The following WT1 variants were observed in gnomAD, a reference collection of about 807,000 sequenced individuals.
The protein encoded by WT1 is Wilms tumor protein.
In WT1, 8 loss-of-function variants were observed where a neutral mutation model predicts 60.8. The observed-to-expected ratio is 0.13, with a 90% CI of 0.08 to 0.24. The LOEUF (loss-of-function observed/expected upper bound fraction) is 0.24. WT1 is among the 10% of genes least tolerant of loss of function. WT1 has a pLI of 1.00. For missense variants in WT1, 568 were observed against 711.8 expected, an observed-to-expected ratio of 0.80 and a Z score of 2.30; for synonymous variants, 312 against 297.1, an observed-to-expected ratio of 1.05 and a Z score of -0.52.
intron 5 of WT1, among the ~76,000 whole-genome samples, chr11:32,415,346 C>T (rs1852631938): frequency 2.7e-5 from 4 of 145,848 alleles, no homozygotes; most frequent in South Asian, 4.1e-4. Context: ...GAACTTAAGA[C>T]GAGTTAAGAA....
At position 32,427,936 on chromosome 11, in the gene WT1, A is replaced by G. The variant is rs751725628; in HGVS notation, c.887+20T>C. 1.9e-6 allele frequency: 3 copies of G among 1,598,648 alleles called. No individual in the cohort carries two copies. Among genetic ancestry groups the G allele is most frequent in the Non-Finnish European group, 2.6e-6 (3 of 1,172,598 alleles). ...TCCGGGGTCCCAAGGACCCAGACGC[A>G]GAGCCCAGCGCCTTCCTACCTGCTG... On this transcript the variant is annotated intron_variant, in intron 3 of 9. Transcript: ENST00000452863.
chr11:32,422,811 C>A (rs74889578), intron 3 of WT1, among the ~76,000 whole-genome samples: 1 of 152,148 alleles, frequency 6.6e-6, no homozygotes, highest in Non-Finnish European at 1.5e-5. Flanking sequence ...GGCAAAAGTA[C>A]AGCAAAAGGA....
At chr11:32,427,373 C>T (rs919064749) in intron 3 of WT1, among the ~76,000 whole-genome samples, 1 of 152,230 alleles carries the variant, frequency 6.6e-6, no homozygotes, top group African/African-American at 2.4e-5. Flanking sequence ...AGGTCCCACG[C>T]GGGCCAGAGC....
intron 5 of WT1, 159 bp from the exon 6 acceptor site, chr11:32,400,203 CT>C (rs1184846338): frequency 7.1e-6 from 6 of 844,966 alleles, no homozygotes; most frequent in Non-Finnish European, 1.2e-5. Flanking sequence ...ATGCAGGGTT[CT>C]GCGGAGGGCG....
At position 32,388,302 on chromosome 11, in the gene WT1, C is replaced by T. The variant is rs1227002852; in HGVS notation, c.*756G>A. On this transcript the variant is annotated 3_prime_UTR_variant, in exon 10 of 10. Coordinates refer to ENST00000452863, the MANE Select transcript of WT1 (RefSeq NM_024426.6). ...GGAGGTATGTACATCTATAAAGACA[C>T]ATATGATTACCACTCAAAAGAGTCA... 1 of 233,592 alleles carries T rather than the reference C, an allele frequency of 4.3e-6. No homozygotes were observed. The highest frequency in any genetic ancestry group is 8.5e-6 in the Non-Finnish European group (1 of 118,156). 14.5% of individuals were successfully genotyped at this position (233,592 alleles called of 1,614,324 possible). A position where few individuals can be genotyped will look rare whatever the true frequency, so the allele number is the denominator to read the frequency against.
chr11:32,390,485 A>C (rs556981495), intron 9 of WT1, among the ~76,000 whole-genome samples: 5 of 152,198 alleles, frequency 3.3e-5, no homozygotes, highest in Non-Finnish European at 7.3e-5. Flanking sequence ...GGGAAGCAAG[A>C]TCCCATCCTG....
At chr11:32,392,606 T>C in intron 8 of WT1, 60 bp downstream of exon 8, 7 of 1,523,816 alleles carry the variant, frequency 4.6e-6, no homozygotes, top group Non-Finnish European at 4.5e-6. Flanking sequence ...AAGAGAATCA[T>C]GAAATCAACC....
At chr11:32,416,179 G>C (rs1467885819) in intron 5 of WT1, among the ~76,000 whole-genome samples, 1 of 152,172 alleles carries the variant, frequency 6.6e-6, no homozygotes, top group Non-Finnish European at 1.5e-5. Context: ...GGAACATGTG[G>C]CATTATGGTT....
chr11:32,430,492 C>CG, intron 1 of WT1: 2 of 1,234,334 alleles, frequency 1.6e-6, no homozygotes, highest in Non-Finnish European at 2.1e-6. Context: ...GAGAGAGAGA[C>CG]GAAATAGAAG....
At chr11:32,430,181 G>C (rs1853231129) in intron 1 of WT1, among the ~76,000 whole-genome samples, 1 of 151,890 alleles carries the variant, frequency 6.6e-6, no homozygotes, top group Non-Finnish European at 1.5e-5. Context: ...TTTATCATAT[G>C]ACCTCGAGGG....
At chr11:32,408,617 G>C (rs1423204441) in intron 5 of WT1, among the ~76,000 whole-genome samples, 2 of 150,134 alleles carry the variant, frequency 1.3e-5, no homozygotes, top group African/African-American at 4.9e-5. Flanking sequence ...GGAAGAAAGA[G>C]AAAGAACAGA....
In WT1 at chr11:32,435,243, C is replaced by T; in HGVS notation, c.118G>A (p.Asp40Asn). Residue 40 changes from aspartate (D) to asparagine (N), a missense_variant, in exon 1 of 10, where the codon GAC becomes AAC. Physicochemically the swap from Asp to Asn is conservative, Grantham distance 23 (BLOSUM62 1). Around this residue, in one of 3 missense-constraint regions of WT1, gnomAD observed 523 missense variants for 565.1 expected, o/e 0.93. Coordinates refer to ENST00000452863, the MANE Select transcript of WT1 (RefSeq NM_024426.6). ...AACTTGGCCCAGATGCCGCCCGGGT[C>T]CCGGACTCCCTGCTGCTCTGGCTGC... is the stretch of plus-strand genomic sequence containing the variant. 1.3e-6 allele frequency: 2 copies of T among 1,536,240 alleles called. No homozygotes were observed. The highest frequency in any genetic ancestry group is 8.7e-7 in the Non-Finnish European group (1 of 1,147,468).
chr11:32,391,836 G>A (rs762638840), intron 9 of WT1, 136 bp downstream of exon 9: 30 of 820,836 alleles, frequency 3.7e-5, no homozygotes, highest in South Asian at 1.3e-4. Context: ...AGATAGCCAC[G>A]CACTATTCCT....
intron 5 of WT1, among the ~76,000 whole-genome samples, chr11:32,402,165 G>C (rs1014604992): frequency 4.6e-5 from 7 of 152,200 alleles, no homozygotes; most frequent in Non-Finnish European, 8.8e-5. Flanking sequence ...AGAACTGCCT[G>C]CCCCTCTAAC....
intron 3 of WT1, among the ~76,000 whole-genome samples, chr11:32,426,796 C>A (rs1853057677): frequency 6.6e-6 from 1 of 152,214 alleles, no homozygotes; most frequent in Non-Finnish European, 1.5e-5. Flanking sequence ...ACCTTAGATG[C>A]GAGAGCCAGG....
In WT1 at chr11:32,411,265, GA is replaced by G; in HGVS notation, c.1016+5224del. The stretch of plus-strand genomic sequence containing the variant: ...GCATTTTTCCTCACCTCCACAAGAT[GA>G]AAATAATTCCTTGCTTTAAAATAAA... On this transcript the variant is annotated intron_variant, in intron 5 of 9. Transcript: ENST00000452863. Among the ~76,000 whole-genome samples the G allele has an allele frequency of 1.3e-5, 2 of 152,202 alleles. 1 individual carries two copies. Among genetic ancestry groups the G allele is most frequent in the South Asian group, 4.1e-4 (2 of 4,824 alleles).
At chr11:32,406,396 G>A (rs1048434429) in intron 5 of WT1, among the ~76,000 whole-genome samples, 1 of 152,148 alleles carries the variant, frequency 6.6e-6, no homozygotes, top group Non-Finnish European at 1.5e-5. Flanking sequence ...GACAGAAGGT[G>A]GAGCTCAGGC....
At chr11:32,397,956 G>A (rs1202509167) in intron 6 of WT1, among the ~76,000 whole-genome samples, 1 of 152,180 alleles carries the variant, frequency 6.6e-6, no homozygotes, top group Non-Finnish European at 1.5e-5. Flanking sequence ...TGATGGGAAA[G>A]AAAGCAAAGG....
intron 5 of WT1, among the ~76,000 whole-genome samples, chr11:32,406,857 G>C (rs952767898): frequency 1.3e-5 from 2 of 152,122 alleles, no homozygotes; most frequent in African/African-American, 2.4e-5. Flanking sequence ...CCAGCACTTT[G>C]GGAGGCCGAG....
Sources: allele counts gnomAD v4.1 joint callset (sites outside exome capture counted in the v4.1 genomes callset), GRCh38; gene constraint gnomAD v4.1.1; regional missense constraint gnomAD v4.1.1; transcripts MANE v1.5; gene names NCBI Gene and HGNC (gene_info 2026-07-23, HGNC 2026-07-21).